MAGEA6: variants seen among roughly 807,000 people sequenced by gnomAD.
The protein encoded by MAGEA6 is MAGE family member A6, also known as melanoma-associated antigen 6.
For missense variants in MAGEA6, 281 were observed against 231.4 expected (o/e 1.21, Z -1.39); for synonymous variants, 100 against 98.8 (o/e 1.01, Z -0.07).
Position 152,767,531 on chromosome X carries a change from G to T in MAGEA6, c.120C>A (p.Ser40=). Residue 40 remains serine (S), a synonymous_variant, in exon 3 of 3, where the codon TCC becomes TCA. Transcript: ENST00000329342. Reference sequence around the variant, plus strand: ...TGACTTCAACTAGAGTAGAAGAGGAGGAGGCAGCCTCCTGCTCCTCAGTAG... The same window carrying T: ...TGACTTCAACTAGAGTAGAAGAGGATGAGGCAGCCTCCTGCTCCTCAGTAG... ...APATEEQEAA[S]SSSTLVEVTL... is the part of the protein sequence containing the mutation. 1 of 1,014,152 alleles carries T rather than the reference G, an allele frequency of 9.9e-7. No individual in the cohort carries two copies. Among genetic ancestry groups the T allele is most frequent in the Non-Finnish European group, 1.3e-6 (1 of 760,877 alleles). The allele number at this position is 1,014,152 out of a possible 1,213,427, so 83.6% of individuals were successfully genotyped here.
chrX:152,767,115 G>T lies in MAGEA6; in HGVS notation c.536C>A (p.Ala179Asp), dbSNP rs782319514. The change falls in exon 3 of 3, where the codon GCC (alanine) becomes GAC (aspartate). Residue 179 changes from alanine (A) to aspartate (D), a missense_variant. By Grantham distance (126) the Ala-to-Asp change is moderately radical (BLOSUM62 -2). Transcript: ENST00000329342. Reference sequence around the variant, plus strand: ...ATCGTAGGAGAGGCCCAGGCAGGTGGCAAAGATGTACACGTGGCCGATGGG... The same window carrying T: ...ATCGTAGGAGAGGCCCAGGCAGGTGTCAAAGATGTACACGTGGCCGATGGG... ...VDPIGHVYIF[A>D]TCLGLSYDGL... 8.3e-7 allele frequency: 1 copy of T among 1,209,048 alleles called. No homozygotes were observed. The highest frequency in any genetic ancestry group is 1.1e-6 in the Non-Finnish European group (1 of 894,455).
rs1556827008 is a variant in MAGEA6, at chrX:152,766,852, C to G, written c.799G>C (p.Ala267Pro). The change falls in exon 3 of 3, where the codon GCA becomes CCA. Residue 267 changes from alanine to proline, a missense_variant. Ala to Pro is a conservative substitution (Grantham distance 27). Coordinates refer to ENST00000329342, the MANE Select transcript of MAGEA6 (RefSeq NM_005363.5). The stretch of plus-strand genomic sequence containing the variant: ...GGACCCCACAGGAACTCATAGCATG[C>G]AGGATCACTGCCGGGGACCTGCCGG... ...EYRQVPGSDPACYEFLWGPRA... is the reference protein window; with the variant it reads ...EYRQVPGSDPPCYEFLWGPRA... 18 of 1,209,347 alleles carry G rather than the reference C, an allele frequency of 1.5e-5. No homozygotes were observed. The highest frequency in any genetic ancestry group is 2.0e-5 in the Non-Finnish European group (18 of 894,549).
Position 152,767,263 on chromosome X carries a change from C to A in MAGEA6, c.388G>T (p.Val130Phe), listed in dbSNP as rs140766415. 1.5e-5 allele frequency: 18 copies of A among 1,208,682 alleles called. No homozygotes were observed. Among genetic ancestry groups the A allele is most frequent in the East Asian group, 5.9e-5 (2 of 33,723 alleles). The change falls in exon 3 of 3, where the codon GTC becomes TTC. Residue 130 changes from valine to phenylalanine, a missense_variant. Physicochemically the swap from Val to Phe is conservative, Grantham distance 50. Transcript: ENST00000329342. ...LLLKYRAREP[V>F]TKAEMLGSVV... ...CTCCCCAGCATTTCTGCCTTTGTGA[C>A]CGGCTCCCTGGCTCGATACTTGAGG...
chrX:152,767,258 T>C lies in MAGEA6; in HGVS notation c.393A>G (p.Thr131=). Reference sequence around the variant, plus strand: ...CGACACTCCCCAGCATTTCTGCCTTTGTGACCGGCTCCCTGGCTCGATACT... The same window carrying C: ...CGACACTCCCCAGCATTTCTGCCTTCGTGACCGGCTCCCTGGCTCGATACT... The part of the protein sequence containing the change: ...LLKYRAREPV[T]KAEMLGSVVG... Residue 131 remains threonine (T), a synonymous_variant, in exon 3 of 3, where the codon ACA becomes ACG. Transcript: ENST00000329342. 1 of 1,210,620 alleles carries C rather than the reference T, an allele frequency of 8.3e-7. No homozygotes were observed. Among genetic ancestry groups the C allele is most frequent in the Non-Finnish European group, 1.1e-6 (1 of 894,662 alleles).
chrX:152,766,841 C>G lies in MAGEA6; in HGVS notation c.810G>C (p.Glu270Asp), dbSNP rs1556827041. 3.3e-5 allele frequency: 40 copies of G among 1,211,000 alleles called. 1 individual carries two copies. The highest frequency in any genetic ancestry group is 4.5e-5 in the Non-Finnish European group (40 of 894,786). Residue 270 changes from glutamate to aspartate, a missense_variant, in exon 3 of 3, where the codon GAG becomes GAC. By Grantham distance (45) the Glu-to-Asp change is conservative (BLOSUM62 2). Coordinates refer to ENST00000329342, the MANE Select transcript of MAGEA6 (RefSeq NM_005363.5). ...TGAGGGCCCTTGGACCCCACAGGAA[C>G]TCATAGCATGCAGGATCACTGCCGG... ...QVPGSDPACY[E>D]FLWGPRALIE...
rs1342183666 is a variant in MAGEA6, at chrX:152,766,648, G to A, written c.*58C>T. On this transcript the variant is annotated 3_prime_UTR_variant, in exon 3 of 3. Coordinates refer to ENST00000329342, the MANE Select transcript of MAGEA6 (RefSeq NM_005363.5). ...GTGGAAACTAAGGGATGGGGCCCCG[G>A]AAGGTGCACTGGCCCAAACCCCCTC... is the stretch of plus-strand genomic sequence containing the variant. 8 of 1,156,583 alleles carry A rather than the reference G, an allele frequency of 6.9e-6. No individual in the cohort carries two copies. The highest frequency in any genetic ancestry group is 2.4e-4 in the Middle Eastern group (1 of 4,125).
In MAGEA6 at chrX:152,767,308, T is replaced by G. The variant is rs35014283; in HGVS notation, c.343A>C (p.Lys115Gln). 7.5e-6 allele frequency: 9 copies of G among 1,207,819 alleles called. No individual in the cohort carries two copies. Among genetic ancestry groups the G allele is most frequent in the South Asian group, 3.5e-5 (2 of 56,593 alleles). The change falls in exon 3 of 3, where the codon AAG (lysine) becomes CAG (glutamine). Residue 115 changes from lysine to glutamine, a missense_variant. Physicochemically the swap from Lys to Gln is moderately conservative, Grantham distance 53. Coordinates refer to ENST00000329342, the MANE Select transcript of MAGEA6 (RefSeq NM_005363.5). ...FQAALSRKVA[K>Q]LVHFLLLKYR... ...TTGAGGAGCAGAAAATGAACCAACT[T>G]GGCCACCTTCCTACTGAGTGCTGCT...
At chrX:152,768,341 G>A (rs1281679907) in intron 1 of MAGEA6, among the ~76,000 whole-genome samples, 101 of 68,642 alleles carry the variant, frequency 1.5e-3, no homozygotes, top group African/African-American at 4.3e-3. Flanking sequence ...ATATGGTACA[G>A]AAAAACATGA....
In MAGEA6 at chrX:152,767,116, C is replaced by T; in HGVS notation, c.535G>A (p.Ala179Thr). ...TCGTAGGAGAGGCCCAGGCAGGTGGCAAAGATGTACACGTGGCCGATGGGG... is the reference window on the plus strand; with the variant it reads ...TCGTAGGAGAGGCCCAGGCAGGTGGTAAAGATGTACACGTGGCCGATGGGG... Reference protein sequence around the residue: ...VDPIGHVYIFATCLGLSYDGL... With the variant: ...VDPIGHVYIFTTCLGLSYDGL... The change falls in exon 3 of 3, where the codon GCC becomes ACC. Residue 179 changes from alanine to threonine, a missense_variant. Physicochemically the swap from Ala to Thr is moderately conservative, Grantham distance 58 (BLOSUM62 0). Coordinates refer to ENST00000329342, the MANE Select transcript of MAGEA6 (RefSeq NM_005363.5). The T allele has an allele frequency of 8.3e-7, 1 of 1,210,866 alleles. No individual in the cohort carries two copies. Among genetic ancestry groups the T allele is most frequent in the Non-Finnish European group, 1.1e-6 (1 of 894,776 alleles).
rs1556827142 is a variant in MAGEA6 at position 152,766,795 on chromosome X, C to T, written c.856G>A (p.Val286Ile). 1 of 1,210,811 alleles carries T rather than the reference C, an allele frequency of 8.3e-7. No individual in the cohort carries two copies. Among genetic ancestry groups the T allele is most frequent in the Non-Finnish European group, 1.1e-6 (1 of 894,796 alleles). The change falls in exon 3 of 3, where the codon GTC becomes ATC. Residue 286 changes from valine (V) to isoleucine (I), a missense_variant. Transcript: ENST00000329342. ...RALIETSYVK[V>I]LHHMVKISGG... ...CTGATCTTTACCATATGGTGCAGGA[C>T]TTTCACATAGCTGGTTTCAATGAGG...
Position 152,766,746 on chromosome X carries a change from G to T in MAGEA6, c.905C>A (p.Pro302Gln), listed in dbSNP as rs782359544. 3.3e-6 allele frequency: 4 copies of T among 1,210,526 alleles called. No homozygotes were observed. The highest frequency in any genetic ancestry group is 4.5e-6 in the Non-Finnish European group (4 of 894,617). The change falls in exon 3 of 3, where the codon CCA becomes CAA. Residue 302 changes from proline to glutamine, a missense_variant. Pro to Gln is a moderately conservative substitution (Grantham distance 76). Transcript: ENST00000329342. ...TCTCAAAGCCCACTCATGCAGGAGT[G>T]GGTAGGAAATGCGAGGTCCTCCACT... Reference protein sequence around the residue: ...KISGGPRISYPLLHEWALREG... With the variant: ...KISGGPRISYQLLHEWALREG...
chrX:152,767,107 G>A lies in MAGEA6; in HGVS notation c.544C>T (p.Leu182=). ...IGHVYIFATC[L]GLSYDGLLGD... ...AGCAGGCCATCGTAGGAGAGGCCCA[G>A]GCAGGTGGCAAAGATGTACACGTGG... The change falls in exon 3 of 3, where the codon CTG becomes TTG. Residue 182 remains leucine (L), a synonymous_variant. Coordinates refer to ENST00000329342, the MANE Select transcript of MAGEA6 (RefSeq NM_005363.5). 8.3e-7 allele frequency: 1 copy of A among 1,210,826 alleles called. No individual in the cohort carries two copies. The highest frequency in any genetic ancestry group is 1.7e-5 in the African/African-American group (1 of 57,730).
At position 152,766,994 on chromosome X, in the gene MAGEA6, C is replaced by T. The variant is rs1479727888; in HGVS notation, c.657G>A (p.Glu219=). 1.7e-6 allele frequency: 2 copies of T among 1,211,034 alleles called. No homozygotes were observed. The highest frequency in any genetic ancestry group is 1.1e-6 in the Non-Finnish European group (1 of 894,798). The part of the protein sequence containing the change: ...IAKEGDCAPE[E]KIWEELSVLE... ...ACACACTCAGCTCCTCCCAGATTTTCTCCTCAGGGGCACAGTCGCCCTCTT... is the reference window on the plus strand; with the variant it reads ...ACACACTCAGCTCCTCCCAGATTTTTTCCTCAGGGGCACAGTCGCCCTCTT... The change falls in exon 3 of 3, where the codon GAG becomes GAA. Residue 219 remains glutamate (E), a synonymous_variant. Coordinates refer to ENST00000329342, the MANE Select transcript of MAGEA6 (RefSeq NM_005363.5).
rs1556827036 is a variant in MAGEA6, at chrX:152,766,844, A to G, written c.807T>C (p.Tyr269=). The G allele has an allele frequency of 1.8e-4, 218 of 1,209,343 alleles. No individual in the cohort carries two copies. The highest frequency in any genetic ancestry group is 2.3e-4 in the Non-Finnish European group (203 of 894,570). The part of the protein sequence containing the change: ...RQVPGSDPAC[Y]EFLWGPRALI... ...GGGCCCTTGGACCCCACAGGAACTCATAGCATGCAGGATCACTGCCGGGGA... is the reference window on the plus strand; with the variant it reads ...GGGCCCTTGGACCCCACAGGAACTCGTAGCATGCAGGATCACTGCCGGGGA... The change falls in exon 3 of 3, where the codon TAT becomes TAC. Residue 269 remains tyrosine, a synonymous_variant. Coordinates refer to ENST00000329342, the MANE Select transcript of MAGEA6 (RefSeq NM_005363.5).
Position 152,766,845 on chromosome X carries a change from T to G in MAGEA6, c.806A>C (p.Tyr269Ser). The change falls in exon 3 of 3, where the codon TAT (tyrosine) becomes TCT (serine). Residue 269 changes from tyrosine (Y) to serine (S), a missense_variant. Physicochemically the swap from Tyr to Ser is moderately radical, Grantham distance 144. Transcript: ENST00000329342. Reference sequence around the variant, plus strand: ...GGCCCTTGGACCCCACAGGAACTCATAGCATGCAGGATCACTGCCGGGGAC... The same window carrying G: ...GGCCCTTGGACCCCACAGGAACTCAGAGCATGCAGGATCACTGCCGGGGAC... ...RQVPGSDPAC[Y>S]EFLWGPRALI... 1 of 1,210,901 alleles carries G rather than the reference T, an allele frequency of 8.3e-7. No homozygotes were observed. Among genetic ancestry groups the G allele is most frequent in the South Asian group, 1.8e-5 (1 of 56,886 alleles).
At position 152,766,697 on chromosome X, in the gene MAGEA6, T is replaced by A; in HGVS notation, c.*9A>T. The A allele has an allele frequency of 8.3e-7, 1 of 1,206,015 alleles. No homozygotes were observed. Among genetic ancestry groups the A allele is most frequent in the Non-Finnish European group, 1.1e-6 (1 of 892,062 alleles). Reference sequence around the variant, plus strand: ...TCCCACTGGCCCTGGCTGCAACTCGTGCTCAGACTCACTCTTCCCCCTCTC... The same window carrying A: ...TCCCACTGGCCCTGGCTGCAACTCGAGCTCAGACTCACTCTTCCCCCTCTC... On this transcript the variant is annotated 3_prime_UTR_variant, in exon 3 of 3. Coordinates refer to ENST00000329342, the MANE Select transcript of MAGEA6 (RefSeq NM_005363.5).
rs150153047 is a variant in MAGEA6 at position 152,767,264 on chromosome X, C to A, written c.387G>T (p.Pro129=). ...TCCCCAGCATTTCTGCCTTTGTGAC[C>A]GGCTCCCTGGCTCGATACTTGAGGA... The part of the protein sequence containing the change: ...FLLLKYRARE[P]VTKAEMLGSV... The change falls in exon 3 of 3, where the codon CCG becomes CCT. Residue 129 remains proline (P), a synonymous_variant. Coordinates refer to ENST00000329342, the MANE Select transcript of MAGEA6 (RefSeq NM_005363.5). 1 of 1,210,577 alleles carries A rather than the reference C, an allele frequency of 8.3e-7. No homozygotes were observed. The highest frequency in any genetic ancestry group is 1.1e-6 in the Non-Finnish European group (1 of 894,661).
In MAGEA6 at chrX:152,766,679, G is replaced by C. The variant is rs2124948370; in HGVS notation, c.*27C>G. 4.2e-6 allele frequency: 5 copies of C among 1,196,602 alleles called. No homozygotes were observed. In the Admixed American group the frequency reaches 1.1e-4, roughly 26 times the overall value. ...GCACTGGCCCAAACCCCCTCCCACTGGCCCTGGCTGCAACTCGTGCTCAGA... is the reference window on the plus strand; with the variant it reads ...GCACTGGCCCAAACCCCCTCCCACTCGCCCTGGCTGCAACTCGTGCTCAGA... On this transcript the variant is annotated 3_prime_UTR_variant, in exon 3 of 3. Transcript: ENST00000329342.
At position 152,767,194 on chromosome X, in the gene MAGEA6, T is replaced by C. The variant is rs140239759; in HGVS notation, c.457A>G (p.Lys153Glu). Reference sequence around the variant, plus strand: ...ACCAGCTGCAAGGAATCGGAAGCTTTGCTGAAGATCACAGGAAAGAAGTAC... The same window carrying C: ...ACCAGCTGCAAGGAATCGGAAGCTTCGCTGAAGATCACAGGAAAGAAGTAC... ...WQYFFPVIFS[K>E]ASDSLQLVFG... Residue 153 changes from lysine to glutamate, a missense_variant, in exon 3 of 3, where the codon AAA becomes GAA. Physicochemically the swap from Lys to Glu is moderately conservative, Grantham distance 56. Transcript: ENST00000329342. 8.3e-7 allele frequency: 1 copy of C among 1,210,688 alleles called. No homozygotes were observed. The highest frequency in any genetic ancestry group is 1.1e-6 in the Non-Finnish European group (1 of 894,710).
Sources: allele counts gnomAD v4.1 joint callset (sites outside exome capture counted in the v4.1 genomes callset), GRCh38; gene constraint gnomAD v4.1.1; transcripts MANE v1.5; gene names NCBI Gene and HGNC (gene_info 2026-07-23, HGNC 2026-07-21).